CFAP61: variants seen among roughly 807,000 people sequenced by gnomAD.
The protein encoded by CFAP61 is cilia and flagella associated protein 61, also known as cilia- and flagella-associated protein 61.
Under a neutral mutation model 135.6 loss-of-function variants are expected in CFAP61, and 107 were observed. That is an observed-to-expected ratio of 0.79 (90% CI 0.67 to 0.93). CFAP61 has a LOEUF of 0.93. Ranked by LOEUF, CFAP61 falls within the 40% of genes least tolerant of loss-of-function variation. CFAP61 has a pLI of 0.00. For synonymous variants in CFAP61, 575 were observed against 578.5 expected, an observed-to-expected ratio of 0.99 and a Z score of 0.09; for missense variants, 1,507 against 1,556.2, an observed-to-expected ratio of 0.97 and a Z score of 0.53.
chr20:20,166,621 C>A (rs1456960308), intron 12 of CFAP61, among the ~76,000 whole-genome samples, 185 bp downstream of exon 12: 1 of 152,122 alleles, frequency 6.6e-6, no homozygotes, highest in Non-Finnish European at 1.5e-5. Context: ...TTAAGTCATG[C>A]TATTTTAGCA....
Position 20,346,518 on chromosome 20 carries a change from C to CAAA in CFAP61, c.3513+4612_3513+4614dup, listed in dbSNP as rs533647243. 3.5e-3 allele frequency among the ~76,000 whole-genome samples: 462 copies of CAAA among 131,916 alleles called. 4 individuals are homozygous for CAAA. Among genetic ancestry groups the CAAA allele is most frequent in the African/African-American group, 6.9e-3 (248 of 35,776 alleles). 86.5% of individuals were successfully genotyped at this position (131,916 alleles called of 152,430 possible). A position where few individuals can be genotyped will look rare whatever the true frequency, so the allele number is the denominator to read the frequency against. ...GGGCGACAAGAGCAAAACTCCGTCT[C>CAAA]AAAAAAAAAAAAAAAAATCTTCATA... is the stretch of plus-strand genomic sequence containing the variant. On this transcript the variant is annotated intron_variant, in intron 26 of 26. Transcript: ENST00000245957.
intron 25 of CFAP61, among the ~76,000 whole-genome samples, chr20:20,338,572 T>G (rs1022462224): frequency 1.3e-5 from 2 of 152,264 alleles, no homozygotes; most frequent in Non-Finnish European, 2.9e-5. Context: ...AGGGCAGACC[T>G]GCAGTCGCAG....
chr20:20,067,821 T>G (rs1166161205), intron 2 of CFAP61, among the ~76,000 whole-genome samples: 3 of 149,032 alleles, frequency 2.0e-5, no homozygotes, highest in Non-Finnish European at 4.4e-5. Flanking sequence ...CTTTTCCTCC[T>G]CTTCTTTCCC....
chr20:20,154,106 CATATT>C (rs2146782672), intron 9 of CFAP61, among the ~76,000 whole-genome samples: 1 of 152,020 alleles, frequency 6.6e-6, no homozygotes, highest in African/African-American at 2.4e-5. Flanking sequence ...AAACAAAAAT[CATATT>C]ATCATCTCAA....
At chr20:20,110,399 A>G (rs911372077) in intron 8 of CFAP61, among the ~76,000 whole-genome samples, 2 of 152,182 alleles carry the variant, frequency 1.3e-5, no homozygotes, top group African/African-American at 2.4e-5. Flanking sequence ...GTTGATTGCT[A>G]TGGAGAGAAG....
intron 8 of CFAP61, among the ~76,000 whole-genome samples, chr20:20,113,729 A>G (rs2048949086): frequency 6.6e-6 from 1 of 152,152 alleles, no homozygotes; most frequent in Non-Finnish European, 1.5e-5. Flanking sequence ...AGTACCATTT[A>G]TTGAAAAGGT....
Position 20,237,052 on chromosome 20 carries a change from T to G in CFAP61, c.2060+8676T>G, listed in dbSNP as rs536419864. ...ATCTGTTTTGCCAGAACTCCCAAATTTTATTCTTATCTTTTCAATTGACAT... is the reference window on the plus strand; with the variant it reads ...ATCTGTTTTGCCAGAACTCCCAAATGTTATTCTTATCTTTTCAATTGACAT... On this transcript the variant is annotated intron_variant, in intron 18 of 26. Transcript: ENST00000245957. Among the ~76,000 whole-genome samples, 27 of 152,342 alleles carry G rather than the reference T, an allele frequency of 1.8e-4. No individual in the cohort carries two copies. In the South Asian group the frequency reaches 5.0e-3, roughly 28 times the overall value.
chr20:20,054,709 C>T (rs554565268), intron 1 of CFAP61, among the ~76,000 whole-genome samples: 4 of 152,292 alleles, frequency 2.6e-5, no homozygotes, highest in African/African-American at 4.8e-5. Flanking sequence ...TGCTAACCCC[C>T]GTGCTACTGG....
At chr20:20,128,913 C>T (rs2050285969) in intron 8 of CFAP61, among the ~76,000 whole-genome samples, 1 of 151,570 alleles carries the variant, frequency 6.6e-6, no homozygotes, top group African/African-American at 2.4e-5. Context: ...TACTTTAACT[C>T]CATTCCCCAA....
At chr20:20,284,967 A>G (rs1321992939) in intron 22 of CFAP61, among the ~76,000 whole-genome samples, 1 of 152,214 alleles carries the variant, frequency 6.6e-6, no homozygotes, top group Non-Finnish European at 1.5e-5. Flanking sequence ...CATTTATTGT[A>G]TTGTAGGTCT....
At chr20:20,279,166 C>G (rs781031431) in intron 22 of CFAP61, among the ~76,000 whole-genome samples, 3 of 152,114 alleles carry the variant, frequency 2.0e-5, no homozygotes, top group Non-Finnish European at 2.9e-5. Context: ...GCTCTTCTGA[C>G]CTTCACTTTC....
intron 8 of CFAP61, among the ~76,000 whole-genome samples, chr20:20,123,980 T>TTG (rs1292050057): frequency 3.4e-5 from 5 of 147,610 alleles, no homozygotes; most frequent in Non-Finnish European, 7.5e-5. Flanking sequence ...AGTTTTTTTT[T>TTG]TTTTTTTTTT....
Position 20,191,411 on chromosome 20 carries a change from A to C in CFAP61, c.1582A>C (p.Asn528His). 6.2e-7 allele frequency: 1 copy of C among 1,607,428 alleles called. No individual in the cohort carries two copies. Among genetic ancestry groups the C allele is most frequent in the East Asian group, 2.2e-5 (1 of 44,812 alleles). ...EQIVGIAVIR[N>H]EMDIEYIRSH... ...AATAGTTGGTATTGCAGTGATCAGA[A>C]ATGAAATGGTAAATTGTGAAGTGGA... The change falls in exon 15 of 27, where the codon AAT becomes CAT. Residue 528 changes from asparagine (N) to histidine (H), a missense_variant. By Grantham distance (68) the Asn-to-His change is moderately conservative (BLOSUM62 1). Transcript: ENST00000245957.
chr20:20,138,297 C>T (rs181136168), intron 8 of CFAP61, among the ~76,000 whole-genome samples: 9 of 152,330 alleles, frequency 5.9e-5, no homozygotes, highest in East Asian at 1.9e-4. Flanking sequence ...CCCCTAAGTC[C>T]GGTAGCTCAG....
At chr20:20,118,847 G>A (rs1057301401) in intron 8 of CFAP61, among the ~76,000 whole-genome samples, 2 of 149,330 alleles carry the variant, frequency 1.3e-5, no homozygotes, top group African/African-American at 4.9e-5. Flanking sequence ...TTGATCTTGG[G>A]GAATAATTTT....
intron 25 of CFAP61, among the ~76,000 whole-genome samples, chr20:20,300,200 GATGATAATAA>G (rs2055975191): frequency 6.6e-6 from 1 of 152,186 alleles, no homozygotes; most frequent in South Asian, 2.1e-4. Context: ...AACACTTGCT[GATGATAATAA>G]ATGACCATGT....
chr20:20,209,038 C>T (rs1021858102), intron 17 of CFAP61, among the ~76,000 whole-genome samples: 2 of 152,198 alleles, frequency 1.3e-5, no homozygotes, highest in Non-Finnish European at 2.9e-5. Context: ...TTCATGTCTT[C>T]ATTATAAGTT....
At chr20:20,290,997 T>C (rs1210919740) in intron 24 of CFAP61, among the ~76,000 whole-genome samples, 1 of 152,208 alleles carries the variant, frequency 6.6e-6, no homozygotes, top group Non-Finnish European at 1.5e-5. Flanking sequence ...CTTTTTTCAA[T>C]AGACTTTATT....
At chr20:20,261,472 A>T (rs140148329) in intron 20 of CFAP61, among the ~76,000 whole-genome samples, 1 of 152,184 alleles carries the variant, frequency 6.6e-6, no homozygotes, top group Non-Finnish European at 1.5e-5. Flanking sequence ...GCCAGTGGGT[A>T]TCTGCCAAAG....
Sources: gnomAD v4.1 joint callset for allele counts (sites outside exome capture counted in the v4.1 genomes callset) on GRCh38, gnomAD v4.1.1 for gene constraint, MANE v1.5 for transcripts, NCBI Gene and HGNC (gene_info 2026-07-23, HGNC 2026-07-21) for gene names.